Variants in SPTLC1 observed in about 807,000 individuals in gnomAD.
The protein encoded by SPTLC1 is serine palmitoyltransferase 1.
In SPTLC1, 55 loss-of-function variants were observed where a neutral mutation model predicts 68.9. That is an observed-to-expected ratio of 0.80 (90% CI 0.64 to 1.00). The LOEUF is 1.00. Among genes scored for constraint, SPTLC1 ranks in the 50% least tolerant of loss-of-function variants. SPTLC1 has a pLI of 0.00. For synonymous variants in SPTLC1, 197 were observed against 201.6 expected (o/e 0.98, Z 0.19); for missense variants, 449 against 573.1 (o/e 0.78, Z 2.21).
intron 12 of SPTLC1, among the ~76,000 whole-genome samples, chr9:92,044,736 G>A (rs1833452347): frequency 6.6e-6 from 1 of 152,194 alleles, no homozygotes; most frequent in African/African-American, 2.4e-5. Context: ...AACATTTACT[G>A]GTCTACAGGA....
chr9:92,099,776 C>T (rs1172976990), intron 3 of SPTLC1, among the ~76,000 whole-genome samples: 1 of 151,992 alleles, frequency 6.6e-6, no homozygotes, highest in Admixed American at 6.6e-5. Context: ...GCCATCATGC[C>T]TGGCCCTATT....
intron 7 of SPTLC1, among the ~76,000 whole-genome samples, chr9:92,056,921 C>T (rs1833912588): frequency 1.3e-5 from 2 of 152,054 alleles, no homozygotes; most frequent in Non-Finnish European, 2.9e-5. Context: ...TGAAGAGATG[C>T]CACCCTAATT....
At chr9:92,112,735 G>A (rs1174793227) in intron 1 of SPTLC1, among the ~76,000 whole-genome samples, 173 bp from the exon 2 acceptor site, 1 of 151,948 alleles carries the variant, frequency 6.6e-6, no homozygotes, top group African/African-American at 2.4e-5. Flanking sequence ...CTAATAGCAG[G>A]CAATTTCTCC....
In SPTLC1 at chr9:92,078,946, A is replaced by G. The variant is rs888996423; in HGVS notation, c.427+1070T>C. On this transcript the variant is annotated intron_variant, in intron 5 of 14. Transcript: ENST00000262554. Reference sequence around the variant, plus strand: ...AAAAACTTAACTGTTAAAGTAAAAAAACACAAAAAGATCCAGAAATGGAAA... The same window carrying G: ...AAAAACTTAACTGTTAAAGTAAAAAGACACAAAAAGATCCAGAAATGGAAA... The G allele has an allele frequency of 7.2e-6, 5 of 694,474 alleles. No individual in the cohort carries two copies. In the African/African-American group the frequency reaches 9.7e-5, roughly 13 times the overall value. The allele number at this position is 694,474 out of a possible 1,614,324, so 43.0% of individuals were successfully genotyped here.
At chr9:92,095,275 C>T (rs559401772) in intron 3 of SPTLC1, among the ~76,000 whole-genome samples, 1 of 152,158 alleles carries the variant, frequency 6.6e-6, no homozygotes, top group African/African-American at 2.4e-5. Flanking sequence ...AACTTGAATT[C>T]CTATATACTA....
Position 92,050,023 on chromosome 9 carries a change from T to C in SPTLC1, c.825A>G (p.Glu275=). 1 of 1,613,982 alleles carries C rather than the reference T, an allele frequency of 6.2e-7. No homozygotes were observed. Among genetic ancestry groups the C allele is most frequent in the Non-Finnish European group, 8.5e-7 (1 of 1,179,834 alleles). The change falls in exon 9 of 15, where the codon GAA becomes GAG. Residue 275 remains glutamate, a synonymous_variant. Coordinates refer to ENST00000262554, the MANE Select transcript of SPTLC1 (RefSeq NM_006415.4). ...CTCCTAGGACTCCAAATGAAAGGCT[T>C]TCCTCCAGGAAGATTCTTGCTTTGT... ...YKYKARIFLE[E]SLSFGVLGEH... is the part of the protein sequence containing the mutation.
intron 3 of SPTLC1, among the ~76,000 whole-genome samples, chr9:92,095,293 G>C (rs569338394): frequency 6.6e-6 from 1 of 152,098 alleles, no homozygotes; most frequent in Non-Finnish European, 1.5e-5. Context: ...CTATCTCAGG[G>C]GACCATAGAT....
chr9:92,045,511 G>A (rs1266498601), intron 12 of SPTLC1, among the ~76,000 whole-genome samples: 10 of 26,512 alleles, frequency 3.8e-4, no homozygotes, highest in Non-Finnish European at 7.4e-4. Context: ...AAAAAAAAGT[G>A]ACTCTTGTGT....
chr9:92,041,529 A>G (rs1833349114), intron 12 of SPTLC1, among the ~76,000 whole-genome samples: 1 of 152,254 alleles, frequency 6.6e-6, no homozygotes, highest in Non-Finnish European at 1.5e-5. Context: ...AGATGGCTGT[A>G]AAGTGGGAGA....
chr9:92,073,683 T>TA (rs1834576906), intron 5 of SPTLC1, among the ~76,000 whole-genome samples: 2 of 152,166 alleles, frequency 1.3e-5, no homozygotes, highest in Admixed American at 1.3e-4. Context: ...CTTCAAAAAT[T>TA]AGAGTCTGGC....
chr9:92,050,765 T>G (rs1833676450), intron 8 of SPTLC1, among the ~76,000 whole-genome samples: 1 of 150,528 alleles, frequency 6.6e-6, no homozygotes. Flanking sequence ...AATTGTCCTT[T>G]AGATGGTCTA....
intron 12 of SPTLC1, among the ~76,000 whole-genome samples, chr9:92,040,407 A>G (rs998838195): frequency 6.6e-6 from 1 of 152,042 alleles, no homozygotes; most frequent in African/African-American, 2.4e-5. Context: ...AAACAAAAAA[A>G]ACAACAAAAA....
intron 6 of SPTLC1, among the ~76,000 whole-genome samples, chr9:92,061,684 T>C (rs939690496): frequency 6.6e-6 from 1 of 152,144 alleles, no homozygotes; most frequent in Non-Finnish European, 1.5e-5. Context: ...TCTCACTGTA[T>C]GTACAGGAAA....
chr9:92,055,755 C>G (rs1833866094), intron 7 of SPTLC1, among the ~76,000 whole-genome samples: 1 of 152,170 alleles, frequency 6.6e-6, no homozygotes, highest in South Asian at 2.1e-4. Context: ...TATTAAAACA[C>G]AAACAAAACC....
chr9:92,044,477 G>A (rs1833445306), intron 12 of SPTLC1, among the ~76,000 whole-genome samples: 1 of 152,170 alleles, frequency 6.6e-6, no homozygotes, highest in African/African-American at 2.4e-5. Context: ...AACAGTCCAG[G>A]CGAAGGGCAG....
In SPTLC1 at chr9:92,086,667, C is replaced by T. The variant is rs1465115103; in HGVS notation, c.261-5704G>A. Among the ~76,000 whole-genome samples, 14 of 152,210 alleles carry T rather than the reference C, an allele frequency of 9.2e-5. No individual in the cohort carries two copies. In the South Asian group the frequency reaches 2.9e-3, roughly 32 times the overall value. The stretch of plus-strand genomic sequence containing the variant: ...GTAACCCAACCTTTCTCTCTGGCTG[C>T]CCTTAACATTTTTTCCTTCATTTCA... On this transcript the variant is annotated intron_variant, in intron 3 of 14. Coordinates refer to ENST00000262554, the MANE Select transcript of SPTLC1 (RefSeq NM_006415.4).
intron 5 of SPTLC1, among the ~76,000 whole-genome samples, chr9:92,071,958 C>T (rs1359327127): frequency 1.3e-5 from 2 of 152,154 alleles, no homozygotes; most frequent in African/African-American, 4.8e-5. Flanking sequence ...AAATCCAGCC[C>T]CTAACTGTAA....
intron 3 of SPTLC1, chr9:92,104,767 G>A (rs1157689979): frequency 6.5e-7 from 1 of 1,533,522 alleles, no homozygotes; most frequent in African/African-American, 1.4e-5. Context: ...CCACCTCTAG[G>A]CCCCTGGAGA....
chr9:92,046,924 A>G (rs1459128346), intron 11 of SPTLC1, among the ~76,000 whole-genome samples: 1 of 152,214 alleles, frequency 6.6e-6, no homozygotes, highest in Non-Finnish European at 1.5e-5. Flanking sequence ...TCCTCCCAGC[A>G]TCTCCACCCA....
Sources: gnomAD v4.1 joint callset for allele counts (sites outside exome capture counted in the v4.1 genomes callset) on GRCh38, gnomAD v4.1.1 for gene constraint, MANE v1.5 for transcripts, NCBI Gene and HGNC (gene_info 2026-07-23, HGNC 2026-07-21) for gene names.